The following UFL1 variants were observed in gnomAD, a reference collection of about 807,000 sequenced individuals.
UFL1 encodes the protein UFM1 specific ligase 1, also known as E3 UFM1-protein ligase 1.
In UFL1, 78 loss-of-function variants were observed where a neutral mutation model predicts 99.3. The ratio of observed to expected loss-of-function variants is 0.79; its 90% CI spans 0.65 to 0.95. UFL1 has a LOEUF of 0.95. UFL1 is among the 40% of genes least tolerant of loss of function. The pLI, the probability that UFL1 is intolerant of heterozygous loss-of-function variation, is 0.00. For synonymous variants in UFL1, 335 were observed against 322.2 expected, an observed-to-expected ratio of 1.04 and a Z score of -0.42; for missense variants, 936 against 937.0, an observed-to-expected ratio of 1.00 and a Z score of 0.01.
intron 8 of UFL1, among the ~76,000 whole-genome samples, chr6:96,537,093 T>C (rs1477991887): frequency 6.6e-6 from 1 of 151,722 alleles, no homozygotes; most frequent in Non-Finnish European, 1.5e-5. Context: ...TGTAAGTCCT[T>C]AGTATATAAA....
At chr6:96,542,777 T>G in intron 11 of UFL1, 117 bp from the exon 12 acceptor site, 1 of 1,042,584 alleles carries the variant, frequency 9.6e-7, no homozygotes, top group East Asian at 3.3e-5. Flanking sequence ...TCTAAAAGTT[T>G]CTTTATTTTG....
rs370141733 is a variant in UFL1 at position 96,539,458 on chromosome 6, T to C, written c.1158+648T>C. ...GAGGGCTTATTAAATATGTAAATAG[T>C]TTATACTTAGCTGTTCTCCTTCTAA... On this transcript the variant is annotated intron_variant, in intron 10 of 18. Transcript: ENST00000369278. Among the ~76,000 whole-genome samples the C allele has an allele frequency of 4.3e-4, 65 of 151,682 alleles. 1 individual carries two copies. The highest frequency in any genetic ancestry group is 1.5e-3 in the African/African-American group (61 of 41,432).
chr6:96,553,356 TG>T lies in UFL1; in HGVS notation c.2241del (p.Gln748ArgfsTer6), dbSNP rs769908570. ...KQLVSQSKKT[G>X]QGDYPLNNEL... ...AGCTAGTCAGTCAAAGTAAGAAGAC[TG>T]GGCAGGGAGATTATCCCTTGAATAA... On this transcript the variant is annotated frameshift_variant, in exon 19 of 19. Transcript: ENST00000369278. LOFTEE classifies it high-confidence loss of function. 1 of 1,613,816 alleles carries T rather than the reference TG, an allele frequency of 6.2e-7. No homozygotes were observed. Among genetic ancestry groups the T allele is most frequent in the Non-Finnish European group, 8.5e-7 (1 of 1,179,822 alleles).
Position 96,537,559 on chromosome 6 carries a change from A to G in UFL1, c.978+10A>G, listed in dbSNP as rs751121589. ...ATGGGTTGATATTGCAGTATGTTTT[A>G]TCTTTTCCTCACTTTTCTTTAAACA... On this transcript the variant is annotated intron_variant, in intron 9 of 18. Transcript: ENST00000369278. The G allele has an allele frequency of 1.9e-6, 3 of 1,560,556 alleles. No homozygotes were observed. The highest frequency in any genetic ancestry group is 2.6e-6 in the Non-Finnish European group (3 of 1,160,068).
rs778067168 is a variant in UFL1 at position 96,528,560 on chromosome 6, G to C, written c.524G>C (p.Gly175Ala). 6.2e-7 allele frequency: 1 copy of C among 1,613,742 alleles called. No individual in the cohort carries two copies. The change falls in exon 6 of 19, where the codon GGA becomes GCA. Residue 175 changes from glycine to alanine, a missense_variant. By Grantham distance (60) the Gly-to-Ala change is moderately conservative. Transcript: ENST00000369278. ...ISGHIDLDNR[G>A]VIFTEAFVAR... ...GGACATATTGATCTTGATAATAGAG[G>C]AGTAATTTTTACGGAAGCTTTTGTA...
chr6:96,528,406 A>G, intron 5 of UFL1, 96 bp from the exon 6 acceptor site: 3 of 1,391,058 alleles, frequency 2.2e-6, no homozygotes, highest in Non-Finnish European at 2.9e-6. Flanking sequence ...CATGACTGAT[A>G]CCTCAGCATG....
chr6:96,538,815 TC>T lies in UFL1; in HGVS notation c.1158+7del. The T allele has an allele frequency of 2.5e-6, 4 of 1,585,234 alleles. No homozygotes were observed. The highest frequency in any genetic ancestry group is 3.4e-6 in the Non-Finnish European group (4 of 1,162,648). The stretch of plus-strand genomic sequence containing the variant: ...ATGCACCAGAAAGCTGAAAAGGTAT[TC>T]CAGATTTCCTTTTATCTGCTAATCT... On this transcript the variant is annotated splice_donor_region_variant and intron_variant, in intron 10 of 18. Transcript: ENST00000369278.
intron 6 of UFL1, among the ~76,000 whole-genome samples, chr6:96,530,507 G>A (rs910003732): frequency 1.3e-5 from 2 of 152,138 alleles, no homozygotes; most frequent in African/African-American, 4.8e-5. Flanking sequence ...GACCATGGAT[G>A]TTATCCTGTT....
At position 96,528,702 on chromosome 6, in the gene UFL1, C is replaced by T. The variant is rs141963321; in HGVS notation, c.596+70C>T. ...ATGGTTTGCATTTTTTTCCTAGCAG[C>T]GGAATCTTTTTCTTTGTTTTAATAA... On this transcript the variant is annotated intron_variant, in intron 6 of 18. Coordinates refer to ENST00000369278, the MANE Select transcript of UFL1 (RefSeq NM_015323.5). The T allele has an allele frequency of 4.7e-4, 694 of 1,468,978 alleles. 2 individuals carry two copies. In the African/African-American group the frequency reaches 8.7e-3, roughly 18 times the overall value. The allele number at this position is 1,468,978 out of a possible 1,614,324, so 91.0% of individuals were successfully genotyped here.
At chr6:96,530,026 CATTG>C (rs1374837632) in intron 6 of UFL1, among the ~76,000 whole-genome samples, 1 of 152,144 alleles carries the variant, frequency 6.6e-6, no homozygotes, top group East Asian at 1.9e-4. Context: ...AGAAAATTAA[CATTG>C]ATTGATTACT....
chr6:96,528,615 A>G lies in UFL1; in HGVS notation c.579A>G (p.Leu193=). 6.2e-7 allele frequency: 1 copy of G among 1,613,336 alleles called. No homozygotes were observed. Among genetic ancestry groups the G allele is most frequent in the Non-Finnish European group, 8.5e-7 (1 of 1,179,578 alleles). ...GACATAAAGCACGTATCCGTGGACT[A>G]TTCAGTGCTATTACCCGGTAAGTAT... ...VARHKARIRG[L]FSAITRPTAV... Residue 193 remains leucine (L), a synonymous_variant, in exon 6 of 19, where the codon CTA becomes CTG. Coordinates refer to ENST00000369278, the MANE Select transcript of UFL1 (RefSeq NM_015323.5).
At chr6:96,532,766 G>A (rs895272293) in intron 6 of UFL1, among the ~76,000 whole-genome samples, 1 of 152,080 alleles carries the variant, frequency 6.6e-6, no homozygotes, top group African/African-American at 2.4e-5. Context: ...CCAGAATCAT[G>A]AGCCAAATAA....
At position 96,538,768 on chromosome 6, in the gene UFL1, T is replaced by G. The variant is rs1207573079; in HGVS notation, c.1116T>G (p.Cys372Trp). 6.2e-7 allele frequency: 1 copy of G among 1,610,798 alleles called. No homozygotes were observed. The highest frequency in any genetic ancestry group is 8.5e-7 in the Non-Finnish European group (1 of 1,177,958). ...VVVSEKFIND[C>W]TELFRELMHQ... Reference sequence around the variant, plus strand: ...TCAGTGAAAAATTTATAAATGACTGTACAGAACTGTTCCGTGAGCTGATGC... The same window carrying G: ...TCAGTGAAAAATTTATAAATGACTGGACAGAACTGTTCCGTGAGCTGATGC... Residue 372 changes from cysteine (C) to tryptophan (W), a missense_variant, in exon 10 of 19, where the codon TGT (cysteine) becomes TGG (tryptophan). By Grantham distance (215) the Cys-to-Trp change is radical (BLOSUM62 -2). Transcript: ENST00000369278.
At chr6:96,551,565 A>C in intron 16 of UFL1, 52 bp downstream of exon 16, 5 of 1,231,260 alleles carry the variant, frequency 4.1e-6, no homozygotes, top group Non-Finnish European at 5.6e-6. Context: ...TTTGTTACAA[A>C]GATCTTTGAG....
At position 96,534,260 on chromosome 6, in the gene UFL1, A is replaced by G; in HGVS notation, c.597-3A>G. 3 of 1,528,666 alleles carry G rather than the reference A, an allele frequency of 2.0e-6. No homozygotes were observed. The highest frequency in any genetic ancestry group is 8.7e-7 in the Non-Finnish European group (1 of 1,145,882). 94.7% of individuals were successfully genotyped at this position (1,528,666 alleles called of 1,614,324 possible). On this transcript the variant is annotated splice_region_variant and splice_polypyrimidine_tract_variant and intron_variant, in intron 6 of 18. Transcript: ENST00000369278. ...GTTTTTTTTTTTTTAACTTTCCATA[A>G]AGGCCTACAGCTGTGAATTCTTTGA...
At chr6:96,550,114 T>C (rs1352446004) in intron 15 of UFL1, among the ~76,000 whole-genome samples, 1 of 151,920 alleles carries the variant, frequency 6.6e-6, no homozygotes, top group Non-Finnish European at 1.5e-5. Flanking sequence ...TTCCATAACT[T>C]TGAAGTTATT....
chr6:96,526,213 A>C, intron 4 of UFL1, 108 bp from the exon 5 acceptor site: 1 of 817,838 alleles, frequency 1.2e-6, no homozygotes, highest in East Asian at 2.7e-5. Flanking sequence ...CACACATTTC[A>C]TTACTTTTGG....
intron 6 of UFL1, among the ~76,000 whole-genome samples, chr6:96,531,068 A>AT (rs1769775952): frequency 6.6e-6 from 1 of 152,192 alleles, no homozygotes; most frequent in Non-Finnish European, 1.5e-5. Flanking sequence ...TGAACTGCAC[A>AT]TGCAAGGGAT....
chr6:96,539,936 A>G (rs1390575702), intron 10 of UFL1, among the ~76,000 whole-genome samples: 1 of 151,582 alleles, frequency 6.6e-6, no homozygotes, highest in Non-Finnish European at 1.5e-5. Flanking sequence ...TATCATAAAT[A>G]TATACTTTTG....
Sources: gnomAD v4.1 joint callset for allele counts (sites outside exome capture counted in the v4.1 genomes callset) on GRCh38, gnomAD v4.1.1 for gene constraint, MANE v1.5 for transcripts, NCBI Gene and HGNC (gene_info 2026-07-23, HGNC 2026-07-21) for gene names.